Variants in PCDH15 observed in about 807,000 individuals in gnomAD.
PCDH15 encodes protocadherin related 15.
Under a neutral mutation model 178.5 loss-of-function variants are expected in PCDH15, and 129 were observed. That is an observed-to-expected ratio of 0.72 (90% CI 0.63 to 0.84). The LOEUF is 0.84. PCDH15 is among the 40% of genes least tolerant of loss of function. PCDH15 has a pLI of 0.00. For missense variants in PCDH15, 2,230 were observed against 2,099.9 expected, an observed-to-expected ratio of 1.06 and a Z score of -1.21; for synonymous variants, 800 against 732.0, an observed-to-expected ratio of 1.09 and a Z score of -1.50.
intron 3 of PCDH15, among the ~76,000 whole-genome samples, chr10:54,431,888 G>A (rs185491429): frequency 3.3e-5 from 5 of 151,836 alleles, no homozygotes; most frequent in Non-Finnish European, 7.4e-5. Flanking sequence ...TATTAGAACT[G>A]ATAAACAAAT....
At chr10:53,957,500 T>C (rs1413636810) in intron 23 of PCDH15, among the ~76,000 whole-genome samples, 2 of 104,852 alleles carry the variant, frequency 1.9e-5, no homozygotes, top group Non-Finnish European at 3.9e-5. Context: ...CTATATTTAC[T>C]ATGTTTTTTT....
intron 1 of PCDH15, among the ~76,000 whole-genome samples, chr10:55,204,901 T>C (rs1470712509): frequency 6.6e-6 from 1 of 152,154 alleles, no homozygotes; most frequent in Non-Finnish European, 1.5e-5. Flanking sequence ...CACACAGTTA[T>C]ATTATTTTTT....
chr10:54,747,512 C>T (rs2132912379), intron 1 of PCDH15, among the ~76,000 whole-genome samples: 1 of 152,254 alleles, frequency 6.6e-6, no homozygotes, highest in Admixed American at 6.5e-5. Flanking sequence ...AAATGTTCCA[C>T]ATAATAAAGC....
chr10:55,042,194 C>A (rs1396589631), intron 2 of PCDH15, among the ~76,000 whole-genome samples: 1 of 152,046 alleles, frequency 6.6e-6, no homozygotes, highest in Non-Finnish European at 1.5e-5. Flanking sequence ...ATGTTTATAA[C>A]CCTCTGAAGG....
intron 15 of PCDH15, among the ~76,000 whole-genome samples, chr10:54,110,161 G>A (rs1036313135): frequency 1.3e-5 from 2 of 152,060 alleles, no homozygotes; most frequent in African/African-American, 4.8e-5. Flanking sequence ...GCAGCCAGGC[G>A]TGTGGTGTCA....
chr10:53,938,756 T>TA, intron 25 of PCDH15, 59 bp downstream of exon 25: 1 of 1,554,690 alleles, frequency 6.4e-7, no homozygotes, highest in Non-Finnish European at 8.8e-7. Flanking sequence ...GTATTTCATT[T>TA]AAAAAATTAG....
intron 1 of PCDH15, among the ~76,000 whole-genome samples, chr10:55,200,989 A>T (rs927350154): frequency 6.6e-6 from 1 of 152,120 alleles, no homozygotes; most frequent in South Asian, 2.1e-4. Context: ...TTATAGCAAC[A>T]TGAAAACAGA....
At chr10:54,782,637 G>T (rs1336559999) in intron 1 of PCDH15, among the ~76,000 whole-genome samples, 3 of 151,912 alleles carry the variant, frequency 2.0e-5, no homozygotes, top group Non-Finnish European at 4.4e-5. Flanking sequence ...ATCCAAAAGA[G>T]AACCCCCATC....
intron 1 of PCDH15, among the ~76,000 whole-genome samples, chr10:55,296,705 AC>A: frequency 6.6e-6 from 1 of 152,132 alleles, no homozygotes; most frequent in Non-Finnish European, 1.5e-5. Flanking sequence ...TTGAAAACGG[AC>A]CTGCTTTTTA....
chr10:55,112,608 A>T (rs942415250), intron 2 of PCDH15, among the ~76,000 whole-genome samples: 2 of 152,174 alleles, frequency 1.3e-5, no homozygotes, highest in Non-Finnish European at 2.9e-5. Context: ...TCCAGACCAA[A>T]CCAGTAAGGC....
chr10:54,400,283 G>A (rs974560641), intron 3 of PCDH15, among the ~76,000 whole-genome samples: 1 of 152,096 alleles, frequency 6.6e-6, no homozygotes, highest in African/African-American at 2.4e-5. Context: ...AATGGACTAA[G>A]TTGATAAGAA....
At chr10:55,456,771 T>C (rs1839563235) in intron 2 of PCDH15, among the ~76,000 whole-genome samples, 1 of 151,862 alleles carries the variant, frequency 6.6e-6, no homozygotes, top group Non-Finnish European at 1.5e-5. Flanking sequence ...GAAAAAAAAA[T>C]TGCTCTAAAT....
At chr10:53,862,204 A>T (rs958286146) in intron 27 of PCDH15, among the ~76,000 whole-genome samples, 1 of 152,026 alleles carries the variant, frequency 6.6e-6, no homozygotes, top group African/African-American at 2.4e-5. Flanking sequence ...GGTGCCCATC[A>T]CCACACCTGG....
At chr10:54,919,810 A>C (rs1837438950) in intron 2 of PCDH15, among the ~76,000 whole-genome samples, 1 of 152,154 alleles carries the variant, frequency 6.6e-6, no homozygotes, top group African/African-American at 2.4e-5. Flanking sequence ...TTTCTTCCAG[A>C]AAACCAAGCA....
chr10:54,504,881 C>T (rs1565446560), intron 3 of PCDH15, among the ~76,000 whole-genome samples: 1 of 151,888 alleles, frequency 6.6e-6, no homozygotes, highest in African/African-American at 2.4e-5. Context: ...ATGTCACCAA[C>T]AATAAATAAA....
intron 3 of PCDH15, among the ~76,000 whole-genome samples, chr10:54,400,964 C>G (rs1951860523): frequency 6.6e-6 from 1 of 151,848 alleles, no homozygotes; most frequent in African/African-American, 2.4e-5. Context: ...TAGCTATAGA[C>G]AGGAAACTGT....
At chr10:55,340,926 G>A (rs1331256419) in intron 2 of PCDH15, among the ~76,000 whole-genome samples, 1 of 151,848 alleles carries the variant, frequency 6.6e-6, no homozygotes, top group South Asian at 2.1e-4. Context: ...CATTCTTATA[G>A]ACTATAATTT....
intron 12 of PCDH15, 132 bp downstream of exon 12, chr10:54,185,002 A>T (rs2048359959): frequency 9.4e-7 from 1 of 1,063,126 alleles, no homozygotes; most frequent in Admixed American, 2.1e-5. Flanking sequence ...TCTCTCTGGT[A>T]TTGAAAATAA....
chr10:54,624,101 T>C (rs1427187139), intron 2 of PCDH15, among the ~76,000 whole-genome samples: 3 of 152,204 alleles, frequency 2.0e-5, no homozygotes, highest in Non-Finnish European at 1.5e-5. Flanking sequence ...AGGCAACTTT[T>C]GCTCATGCGG....
Sources: gnomAD v4.1 joint callset for allele counts (sites outside exome capture counted in the v4.1 genomes callset) on GRCh38, gnomAD v4.1.1 for gene constraint, MANE v1.5 for transcripts, NCBI Gene and HGNC (gene_info 2026-07-23, HGNC 2026-07-21) for gene names.